GHR: variants seen among roughly 807,000 people sequenced by gnomAD.
GHR encodes the protein growth hormone receptor.
A neutral mutation model predicts 67.1 loss-of-function variants in GHR; 35 were observed. The observed-to-expected ratio is 0.52, with a 90% CI of 0.40 to 0.69. GHR has a LOEUF of 0.69. Among genes scored for constraint, GHR ranks in the 30% least tolerant of loss-of-function variants. GHR has a pLI of 0.00. For missense variants in GHR, 792 were observed against 764.6 expected (o/e 1.04, Z -0.42); for synonymous variants, 272 against 269.1 (o/e 1.01, Z -0.10).
intron 6 of GHR, among the ~76,000 whole-genome samples, chr5:42,706,946 C>T (rs1006231579): frequency 2.6e-5 from 4 of 151,998 alleles, no homozygotes; most frequent in African/African-American, 4.8e-5. Context: ...ATTTGATAGG[C>T]ATTGCATTGA....
rs79853648 is a variant in GHR at position 42,564,994 on chromosome 5, G to A, written c.-11-870G>A. Among the ~76,000 whole-genome samples, 1,857 of 152,262 alleles carry A rather than the reference G, an allele frequency of 0.012. 82 individuals carry two copies. In the East Asian group the frequency reaches 0.14, roughly 12 times the overall value. ...AGCCCAAACTTGCCTCAGAAGATCCGGGATGTGGACACCCTGGTATATTTT... is the reference window on the plus strand; with the variant it reads ...AGCCCAAACTTGCCTCAGAAGATCCAGGATGTGGACACCCTGGTATATTTT... On this transcript the variant is annotated intron_variant, in intron 1 of 9. Coordinates refer to ENST00000230882, the MANE Select transcript of GHR (RefSeq NM_000163.5).
At chr5:42,523,799 G>C (rs952593716) in intron 1 of GHR, among the ~76,000 whole-genome samples, 1 of 152,132 alleles carries the variant, frequency 6.6e-6, no homozygotes. Context: ...AGGCACCCAG[G>C]GGGTGGTAAT....
intron 5 of GHR, among the ~76,000 whole-genome samples, chr5:42,697,295 A>G (rs1757720297): frequency 6.6e-6 from 1 of 152,230 alleles, no homozygotes; most frequent in African/African-American, 2.4e-5. Flanking sequence ...GCAAATATTT[A>G]TTATGCTCTT....
intron 3 of GHR, among the ~76,000 whole-genome samples, chr5:42,676,807 C>T (rs1453046766): frequency 1.3e-5 from 2 of 152,272 alleles, no homozygotes; most frequent in Non-Finnish European, 2.9e-5. Context: ...TCCTGAAGCT[C>T]TTCAAACAAA....
chr5:42,553,009 CCT>C (rs1192980079), intron 1 of GHR, among the ~76,000 whole-genome samples: 1 of 152,146 alleles, frequency 6.6e-6, no homozygotes, highest in Non-Finnish European at 1.5e-5. Flanking sequence ...CAAAAATGCC[CCT>C]CTCAATATTG....
chr5:42,428,803 T>C (rs996743072), intron 1 of GHR, among the ~76,000 whole-genome samples: 4 of 152,198 alleles, frequency 2.6e-5, no homozygotes, highest in Admixed American at 2.0e-4. Context: ...GACTTTATTG[T>C]CCATATCACT....
chr5:42,515,293 C>A (rs1242921703), intron 1 of GHR, among the ~76,000 whole-genome samples: 1 of 152,224 alleles, frequency 6.6e-6, no homozygotes, highest in Non-Finnish European at 1.5e-5. Context: ...GTGTCTCTTT[C>A]ATGAAGACAG....
At chr5:42,577,584 A>T (rs1750824603) in intron 2 of GHR, among the ~76,000 whole-genome samples, 1 of 152,184 alleles carries the variant, frequency 6.6e-6, no homozygotes, top group African/African-American at 2.4e-5. Flanking sequence ...TGAACTTGCT[A>T]GTTTTGATTC....
intron 7 of GHR, among the ~76,000 whole-genome samples, chr5:42,713,176 A>T (rs1758553373): frequency 6.6e-6 from 1 of 152,082 alleles, no homozygotes; most frequent in Non-Finnish European, 1.5e-5. Context: ...ACACACATTG[A>T]TTTTGAACTA....
intron 2 of GHR, among the ~76,000 whole-genome samples, chr5:42,598,332 C>G (rs1397517627): frequency 6.6e-6 from 1 of 152,084 alleles, no homozygotes; most frequent in South Asian, 2.1e-4. Flanking sequence ...TCAGTAATAG[C>G]AAGAAACTTA....
At chr5:42,474,287 A>AAAAAG (rs1745158244) in intron 1 of GHR, among the ~76,000 whole-genome samples, 1 of 26,594 alleles carries the variant, frequency 3.8e-5, no homozygotes, top group African/African-American at 1.6e-4. Context: ...AAGAAAGAAA[A>AAAAAG]AGAGAAAGAG....
chr5:42,579,769 G>A (rs1417175666), intron 2 of GHR, among the ~76,000 whole-genome samples: 1 of 152,156 alleles, frequency 6.6e-6, no homozygotes, highest in Non-Finnish European at 1.5e-5. Context: ...TATTATTGGT[G>A]TGAGATTAAA....
At position 42,719,365 on chromosome 5, in the gene GHR, G is replaced by A. The variant is rs767397252; in HGVS notation, c.1858G>A (p.Glu620Lys). The change falls in exon 10 of 10, where the codon GAG (glutamate) becomes AAG (lysine). Residue 620 changes from glutamate to lysine, a missense_variant. Physicochemically the swap from Glu to Lys is moderately conservative, Grantham distance 56 (BLOSUM62 1). Transcript: ENST00000230882. ...NATALPLPDK[E>K]FLSSCGYVST... ...GACTGCCTTGCCCTTGCCTGACAAAGAGTTTCTCTCATCATGTGGCTATGT... is the reference window on the plus strand; with the variant it reads ...GACTGCCTTGCCCTTGCCTGACAAAAAGTTTCTCTCATCATGTGGCTATGT... 21 of 1,614,066 alleles carry A rather than the reference G, an allele frequency of 1.3e-5. No homozygotes were observed. In the South Asian group the frequency reaches 2.2e-4, roughly 17 times the overall value.
intron 1 of GHR, among the ~76,000 whole-genome samples, chr5:42,440,708 AGTCTG>A (rs1394056520): frequency 6.6e-6 from 1 of 152,214 alleles, no homozygotes; most frequent in East Asian, 1.9e-4. Flanking sequence ...CTGGTTTATG[AGTCTG>A]TTGTAGGCCA....
intron 1 of GHR, among the ~76,000 whole-genome samples, chr5:42,449,586 T>A (rs1743961236): frequency 6.6e-6 from 1 of 152,156 alleles, no homozygotes; most frequent in Non-Finnish European, 1.5e-5. Flanking sequence ...TGGTGAACAG[T>A]GACAGTTGGA....
intron 1 of GHR, among the ~76,000 whole-genome samples, chr5:42,475,145 T>TG (rs1323520656): frequency 6.6e-6 from 1 of 152,180 alleles, no homozygotes; most frequent in Non-Finnish European, 1.5e-5. Context: ...CCCAAAGTGC[T>TG]GGGATTACAG....
chr5:42,487,179 T>C (rs1281954919), intron 1 of GHR, among the ~76,000 whole-genome samples: 2 of 152,234 alleles, frequency 1.3e-5, no homozygotes, highest in African/African-American at 4.8e-5. Flanking sequence ...AAGGACTTTG[T>C]TATGTAAGGA....
At chr5:42,627,894 AG>A (rs1353595525) in intron 2 of GHR, among the ~76,000 whole-genome samples, 1 of 152,214 alleles carries the variant, frequency 6.6e-6, no homozygotes, top group Admixed American at 6.5e-5. Flanking sequence ...CCAGTGTCCT[AG>A]AAAAAACAGA....
At chr5:42,637,510 T>G (rs1192896306) in intron 3 of GHR, among the ~76,000 whole-genome samples, 2 of 152,186 alleles carry the variant, frequency 1.3e-5, no homozygotes, top group Non-Finnish European at 1.5e-5. Context: ...TATACCCATG[T>G]TTATCCAGTG....
Sources: allele counts gnomAD v4.1 joint callset (sites outside exome capture counted in the v4.1 genomes callset), GRCh38; gene constraint gnomAD v4.1.1; transcripts MANE v1.5; gene names NCBI Gene and HGNC (gene_info 2026-07-23, HGNC 2026-07-21).